PPP2R5A: variants seen among roughly 807,000 people sequenced by gnomAD.
PPP2R5A encodes the protein serine/threonine-protein phosphatase 2A 56 kDa regulatory subunit alpha isoform.
In PPP2R5A, 25 loss-of-function variants were observed where a neutral mutation model predicts 64.2. That is an observed-to-expected ratio of 0.39 (90% CI 0.28 to 0.54). PPP2R5A has a LOEUF of 0.54. Among genes scored for constraint, PPP2R5A ranks in the 20% least tolerant of loss-of-function variants. The pLI, the probability that PPP2R5A is intolerant of heterozygous loss-of-function variation, is 0.67. For synonymous variants in PPP2R5A, 198 were observed against 201.2 expected, an observed-to-expected ratio of 0.98 and a Z score of 0.13; for missense variants, 425 against 576.3, an observed-to-expected ratio of 0.74 and a Z score of 2.69.
chr1:212,320,621 G>C (rs1659257950), intron 1 of PPP2R5A, among the ~76,000 whole-genome samples: 2 of 148,058 alleles, frequency 1.4e-5, no homozygotes, highest in Middle Eastern at 3.6e-3. Context: ...GCCGGGCGGG[G>C]GGCTGACCTC....
At chr1:212,342,435 C>T (rs1659701129) in intron 4 of PPP2R5A, among the ~76,000 whole-genome samples, 155 bp downstream of exon 4, 2 of 152,164 alleles carry the variant, frequency 1.3e-5, no homozygotes, top group Non-Finnish European at 2.9e-5. Flanking sequence ...GTGAAGTTAG[C>T]TCTGAGAGTA....
At chr1:212,300,015 T>G (rs894516657) in intron 1 of PPP2R5A, among the ~76,000 whole-genome samples, 1 of 152,108 alleles carries the variant, frequency 6.6e-6, no homozygotes, top group Non-Finnish European at 1.5e-5. Flanking sequence ...GGTTTTGCCA[T>G]GTTGGCCATG....
chr1:212,352,453 G>T (rs1368471080), intron 8 of PPP2R5A, among the ~76,000 whole-genome samples: 4 of 149,972 alleles, frequency 2.7e-5, no homozygotes, highest in African/African-American at 7.3e-5. Context: ...TTGTGTTTTG[G>T]GTTTTTTTTT....
At chr1:212,333,457 C>A (rs1490645871) in intron 2 of PPP2R5A, 40 bp from the exon 3 acceptor site, 5 of 1,289,952 alleles carry the variant, frequency 3.9e-6, no homozygotes, top group Non-Finnish European at 5.3e-6. Context: ...AATTCAATTA[C>A]ACATACAACA....
chr1:212,348,632 A>T (rs1412198425), intron 7 of PPP2R5A, 135 bp downstream of exon 7: 3 of 636,304 alleles, frequency 4.7e-6, no homozygotes, highest in Non-Finnish European at 7.8e-6. Context: ...CCCAAAGCAA[A>T]TTTTTCTTAT....
intron 1 of PPP2R5A, among the ~76,000 whole-genome samples, chr1:212,308,398 T>C (rs1658959923): frequency 6.7e-6 from 1 of 148,848 alleles, no homozygotes. Flanking sequence ...CTCAATACAT[T>C]ATGTTGGTAC....
At chr1:212,296,557 C>T (rs911536025) in intron 1 of PPP2R5A, among the ~76,000 whole-genome samples, 8 of 152,146 alleles carry the variant, frequency 5.3e-5, no homozygotes, top group Non-Finnish European at 1.2e-4. Context: ...CTTCTGTGTA[C>T]ACTGCATGAT....
In PPP2R5A at chr1:212,326,229, T is replaced by A. The variant is rs532221104; in HGVS notation, c.182-2906T>A. 4.6e-5 allele frequency among the ~76,000 whole-genome samples: 7 copies of A among 150,994 alleles called. No individual in the cohort carries two copies. The South Asian group carries it at 1.5e-3, about 32-fold the overall frequency. On this transcript the variant is annotated intron_variant, in intron 1 of 12. Transcript: ENST00000261461. ...GCATATTACTTAGTATTAAAAATAG[T>A]TGCAAATTCAATGTTTTTTTTTTTT...
chr1:212,302,213 G>C, intron 1 of PPP2R5A: 1 of 890,840 alleles, frequency 1.1e-6, no homozygotes, highest in Non-Finnish European at 1.7e-6. Context: ...CCACATTACA[G>C]GGGAAAACTA....
chr1:212,305,186 G>A (rs564069092), intron 1 of PPP2R5A, among the ~76,000 whole-genome samples: 3 of 150,974 alleles, frequency 2.0e-5, no homozygotes, highest in Admixed American at 1.3e-4. Flanking sequence ...ATAGGCGCCC[G>A]CTACCACGCC....
chr1:212,332,897 T>A (rs1659527266), intron 2 of PPP2R5A, among the ~76,000 whole-genome samples: 1 of 151,236 alleles, frequency 6.6e-6, no homozygotes, highest in African/African-American at 2.4e-5. Context: ...TTTTTTATTT[T>A]TTTATTTTTA....
intron 4 of PPP2R5A, among the ~76,000 whole-genome samples, chr1:212,343,463 G>A (rs2102441607): frequency 6.6e-6 from 1 of 152,232 alleles, no homozygotes; most frequent in East Asian, 1.9e-4. Flanking sequence ...TGTGAGTTTG[G>A]TATATTTAGA....
chr1:212,316,854 G>A (rs1659164323), intron 1 of PPP2R5A, among the ~76,000 whole-genome samples: 1 of 151,974 alleles, frequency 6.6e-6, no homozygotes, highest in Non-Finnish European at 1.5e-5. Context: ...TTACATGCTG[G>A]AATGTAGGAA....
At chr1:212,349,272 G>A in intron 8 of PPP2R5A, 30 bp downstream of exon 8, 1 of 1,505,140 alleles carries the variant, frequency 6.6e-7, no homozygotes, top group Non-Finnish European at 9.1e-7. Context: ...TCATGTTTTT[G>A]GTCTGCATTA....
intron 1 of PPP2R5A, among the ~76,000 whole-genome samples, chr1:212,324,233 G>T (rs1659367500): frequency 6.6e-6 from 1 of 152,146 alleles, no homozygotes; most frequent in African/African-American, 2.4e-5. Flanking sequence ...TACACATCTA[G>T]GCTGTGTACA....
chr1:212,335,260 A>ACCTGAGGT (rs768788642), intron 3 of PPP2R5A, among the ~76,000 whole-genome samples: 1 of 151,950 alleles, frequency 6.6e-6, no homozygotes, highest in Non-Finnish European at 1.5e-5. Context: ...TGGGTGGATC[A>ACCTGAGGT]CCTGAGGTCA....
chr1:212,302,312 A>G (rs1181707554), intron 1 of PPP2R5A, among the ~76,000 whole-genome samples: 3 of 151,922 alleles, frequency 2.0e-5, no homozygotes, highest in Non-Finnish European at 4.4e-5. Context: ...TATTGTTACT[A>G]CCTCTTTTTC....
Position 212,329,049 on chromosome 1 carries a change from G to A in PPP2R5A, c.182-86G>A, listed in dbSNP as rs984632905. On this transcript the variant is annotated intron_variant, in intron 1 of 12. Transcript: ENST00000261461. ...GATTTTTGGAAGAAGTTTTACATATGTGAATAGCTTCTACAAAATTAATAA... is the reference window on the plus strand; with the variant it reads ...GATTTTTGGAAGAAGTTTTACATATATGAATAGCTTCTACAAAATTAATAA... 8 of 1,026,032 alleles carry A rather than the reference G, an allele frequency of 7.8e-6. No homozygotes were observed. In the Admixed American group the frequency reaches 1.1e-4, roughly 14 times the overall value. 63.6% of individuals were successfully genotyped at this position (1,026,032 alleles called of 1,614,324 possible).
At chr1:212,342,574 G>GGTAT (rs537161270) in intron 4 of PPP2R5A, among the ~76,000 whole-genome samples, 20 of 152,212 alleles carry the variant, frequency 1.3e-4, no homozygotes, top group African/African-American at 4.8e-4. Flanking sequence ...GAGAAAATGT[G>GGTAT]GTATGACCAT....
Sources: allele counts gnomAD v4.1 joint callset (sites outside exome capture counted in the v4.1 genomes callset), GRCh38; gene constraint gnomAD v4.1.1; transcripts MANE v1.5; gene names NCBI Gene and HGNC (gene_info 2026-07-23, HGNC 2026-07-21).